MSRA: variants seen among roughly 807,000 people sequenced by gnomAD.
MSRA encodes the protein methionine sulfoxide reductase A, also known as mitochondrial peptide methionine sulfoxide reductase.
In MSRA, 54 loss-of-function variants were observed where a neutral mutation model predicts 31.3. The ratio of observed to expected loss-of-function variants is 1.73; its 90% CI spans 1.39 to 2.17. The LOEUF is 2.17. Among genes scored for constraint, MSRA ranks in the 30% most tolerant of loss-of-function variants. The pLI, the probability that MSRA is intolerant of heterozygous loss-of-function variation, is 0.00. For missense variants in MSRA, 507 were observed against 300.9 expected (o/e 1.69, Z -5.07); for synonymous variants, 169 against 116.5 (o/e 1.45, Z -2.90).
intron 4 of MSRA, among the ~76,000 whole-genome samples, chr8:10,306,848 TCAGTTGCAACC>T (rs1318741912): frequency 1.3e-5 from 2 of 152,176 alleles, no homozygotes. Flanking sequence ...ATCTGATTTC[TCAGTTGCAACC>T]CATCTTGCTG....
chr8:10,154,925 A>C (rs1190186018), intron 1 of MSRA, among the ~76,000 whole-genome samples: 1 of 150,886 alleles, frequency 6.6e-6, no homozygotes, highest in Admixed American at 6.6e-5. Context: ...GCTTAACATT[A>C]CCTTTTTAAA....
chr8:10,312,621 C>A (rs1801494688), intron 4 of MSRA, among the ~76,000 whole-genome samples: 1 of 152,180 alleles, frequency 6.6e-6, no homozygotes, highest in Non-Finnish European at 1.5e-5. Flanking sequence ...GACAATCTTA[C>A]TTATGACTAT....
At chr8:10,316,869 T>G (rs1036111807) in intron 4 of MSRA, among the ~76,000 whole-genome samples, 4 of 152,060 alleles carry the variant, frequency 2.6e-5, no homozygotes, top group Admixed American at 6.6e-5. Context: ...CATGGCATGT[T>G]TTTTCACAGA....
At chr8:10,153,494 T>G (rs945589501) in intron 1 of MSRA, among the ~76,000 whole-genome samples, 2 of 145,474 alleles carry the variant, frequency 1.4e-5, no homozygotes, top group Non-Finnish European at 3.0e-5. Context: ...CCAGCGTCTT[T>G]CTTCAGGACA....
At chr8:10,269,179 G>C (rs887567684) in intron 3 of MSRA, among the ~76,000 whole-genome samples, 1 of 152,220 alleles carries the variant, frequency 6.6e-6, no homozygotes, top group African/African-American at 2.4e-5. Flanking sequence ...GGCAAGAGTA[G>C]AATTCATCCA....
intron 5 of MSRA, among the ~76,000 whole-genome samples, chr8:10,401,764 C>A (rs1028176519): frequency 3.3e-5 from 5 of 152,078 alleles, no homozygotes; most frequent in African/African-American, 1.2e-4. Context: ...TACAGATGGG[C>A]GAACCTTGAG....
intron 1 of MSRA, among the ~76,000 whole-genome samples, chr8:10,111,284 T>C (rs10087178): frequency 0.062 from 9,418 of 152,214 alleles, 957 homozygotes; most frequent in African/African-American, 0.21. Flanking sequence ...AGAGCACTTA[T>C]GTGGTCTGTG....
intron 1 of MSRA, among the ~76,000 whole-genome samples, chr8:10,172,723 C>G (rs1805701221): frequency 6.6e-6 from 1 of 152,094 alleles, no homozygotes. Flanking sequence ...GTGGACTCAC[C>G]AGAGATGGGA....
chr8:10,160,962 T>C (rs1036205369), intron 1 of MSRA, among the ~76,000 whole-genome samples: 4 of 152,254 alleles, frequency 2.6e-5, no homozygotes, highest in Non-Finnish European at 5.9e-5. Context: ...TTAACATTGC[T>C]AATTCTTTGT....
chr8:10,321,328 C>T (rs1394738960), intron 5 of MSRA, among the ~76,000 whole-genome samples: 2 of 152,092 alleles, frequency 1.3e-5, no homozygotes, highest in African/African-American at 4.8e-5. Context: ...GCAACAGCCC[C>T]CAGGAATGAG....
intron 1 of MSRA, among the ~76,000 whole-genome samples, chr8:10,125,078 A>G (rs1801402970): frequency 6.6e-6 from 1 of 152,234 alleles, no homozygotes; most frequent in Admixed American, 6.5e-5. Flanking sequence ...TGTGTCTGTC[A>G]TTAGCGATTC....
In MSRA at chr8:10,310,253, C is replaced by G. The variant is rs576495730; in HGVS notation, c.436+8615C>G. Among the ~76,000 whole-genome samples, 6 of 152,290 alleles carry G rather than the reference C, an allele frequency of 3.9e-5. No homozygotes were observed. The East Asian group carries it at 1.2e-3, about 29-fold the overall frequency. On this transcript the variant is annotated intron_variant, in intron 4 of 5. Transcript: ENST00000317173. Reference sequence around the variant, plus strand: ...AGAACAGCTGCACACATATAAAATGCAAAAGCTACCCAAACCCAGCATTAT... The same window carrying G: ...AGAACAGCTGCACACATATAAAATGGAAAAGCTACCCAAACCCAGCATTAT...
chr8:10,127,105 C>T (rs1268650325), intron 1 of MSRA, among the ~76,000 whole-genome samples: 4 of 152,192 alleles, frequency 2.6e-5, no homozygotes, highest in Non-Finnish European at 5.9e-5. Flanking sequence ...ACTTTGTATT[C>T]TTAGTCCTTC....
intron 1 of MSRA, among the ~76,000 whole-genome samples, chr8:10,174,343 G>C (rs945462780): frequency 6.6e-6 from 1 of 152,114 alleles, no homozygotes. Context: ...GCAGGTGAGC[G>C]AAGGCATGGC....
rs554995131 is a variant in MSRA, at chr8:10,269,744, G to A, written c.331+24521G>A. ...CGGCTCACTGCAAGCTCCACCTCCC[G>A]GGGTTCACGCCATTCCCCTGCCTCA... On this transcript the variant is annotated intron_variant, in intron 3 of 5. Coordinates refer to ENST00000317173, the MANE Select transcript of MSRA (RefSeq NM_012331.5). Among the ~76,000 whole-genome samples the A allele has an allele frequency of 5.3e-5, 8 of 152,190 alleles. No individual in the cohort carries two copies. The East Asian group carries it at 7.7e-4, about 15-fold the overall frequency.
chr8:10,081,491 C>G (rs951063078), intron 1 of MSRA, among the ~76,000 whole-genome samples: 1 of 152,092 alleles, frequency 6.6e-6, no homozygotes, highest in African/African-American at 2.4e-5. Context: ...GAATTGACTC[C>G]TTTTCATTTA....
At chr8:10,237,774 C>A (rs1812072006) in intron 2 of MSRA, among the ~76,000 whole-genome samples, 1 of 152,188 alleles carries the variant, frequency 6.6e-6, no homozygotes, top group Admixed American at 6.5e-5. Flanking sequence ...TCAGGAAATC[C>A]TTTTGGCTCT....
intron 1 of MSRA, among the ~76,000 whole-genome samples, chr8:10,077,479 CTTTTTTTTTTTTTT>C (rs10714477): frequency 6.9e-5 from 7 of 101,240 alleles, no homozygotes; most frequent in African/African-American, 2.2e-4. Flanking sequence ...CTACCTTCTC[CTTTTTTTTTTTTTT>C]TTTTTTTTTA....
In MSRA at chr8:10,116,263, T is replaced by A. The variant is rs190259277; in HGVS notation, c.142+61605T>A. Among the ~76,000 whole-genome samples the A allele has an allele frequency of 7.0e-4, 107 of 152,358 alleles. No homozygotes were observed. In the South Asian group the frequency reaches 8.1e-3, roughly 12 times the overall value. ...ACTTTTTTAAAACATTGATTTTTTT[T>A]AAATTTTAAGCTCATTAGCTATCGT... On this transcript the variant is annotated intron_variant, in intron 1 of 5. Transcript: ENST00000317173.
Sources: gnomAD v4.1 joint callset for allele counts (sites outside exome capture counted in the v4.1 genomes callset) on GRCh38, gnomAD v4.1.1 for gene constraint, MANE v1.5 for transcripts, NCBI Gene and HGNC (gene_info 2026-07-23, HGNC 2026-07-21) for gene names.